The following HIVEP2 variants were observed in gnomAD, a reference collection of about 807,000 sequenced individuals.
The protein encoded by HIVEP2 is HIVEP zinc finger 2, also known as transcription factor HIVEP2.
A neutral mutation model predicts 180.7 loss-of-function variants in HIVEP2; 14 were observed. The ratio of observed to expected loss-of-function variants is 0.08; its 90% CI spans 0.05 to 0.12. HIVEP2 has a LOEUF of 0.12. HIVEP2 is among the 10% of genes least tolerant of loss of function. The pLI is 1.00. For missense variants in HIVEP2, 2,579 were observed against 3,008.5 expected (o/e 0.86, Z 3.34); for synonymous variants, 1,184 against 1,136.4 (o/e 1.04, Z -0.84).
Position 142,774,601 on chromosome 6 carries a change from C to T in HIVEP2, c.138G>A (p.Arg46=). 1 of 1,614,210 alleles carries T rather than the reference C, an allele frequency of 6.2e-7. No homozygotes were observed. Among genetic ancestry groups the T allele is most frequent in the Middle Eastern group, 1.6e-4 (1 of 6,062 alleles). Residue 46 remains arginine, a synonymous_variant, in exon 5 of 10, where the codon CGG becomes CGA. Coordinates refer to ENST00000367603, the MANE Select transcript of HIVEP2 (RefSeq NM_006734.4). The surrounding 1 kb of genome is among the most constrained non-coding windows in gnomAD (Gnocchi z 5.1). ...TTTGCTCAGGCTCTATTTGTGGTTG[C>T]CGCTGTCCTTCATGACTGCCAAAAG... ...MSTFGSHEGQ[R]QPQIEPEQIG...
At chr6:142,867,307 G>A in intron 1 of HIVEP2, among the ~76,000 whole-genome samples, 1 of 152,062 alleles carries the variant, frequency 6.6e-6, no homozygotes, top group South Asian at 2.1e-4. Flanking sequence ...CACATCAGTG[G>A]TCTTTCTTAT....
At chr6:142,832,654 T>G (rs1775120476) in intron 2 of HIVEP2, among the ~76,000 whole-genome samples, 1 of 152,108 alleles carries the variant, frequency 6.6e-6, no homozygotes, top group South Asian at 2.1e-4. Flanking sequence ...AAAATAAAGA[T>G]CTCTATGTGG....
chr6:142,920,097 T>C (rs1777648761), intron 1 of HIVEP2, among the ~76,000 whole-genome samples: 1 of 152,230 alleles, frequency 6.6e-6, no homozygotes, highest in Admixed American at 6.5e-5. Context: ...GACACAATAG[T>C]TGGATCTTTC....
Position 142,753,540 on chromosome 6 carries a change from C to A in HIVEP2, c.6908G>T (p.Arg2303Leu). The A allele has an allele frequency of 6.2e-7, 1 of 1,614,138 alleles. No individual in the cohort carries two copies. The highest frequency in any genetic ancestry group is 1.1e-5 in the South Asian group (1 of 91,082). ...CGAAGTGCTCTGTTTCATCAACAGC[C>A]GAGGAGAGGAGGGAGTGCTAGGTGG... ...SGPPSTPSSP[R>L]LLMKQSTSED... The change falls in exon 10 of 10, where the codon CGG becomes CTG. Residue 2303 changes from arginine (R) to leucine (L), a missense_variant. Coordinates refer to ENST00000367603, the MANE Select transcript of HIVEP2 (RefSeq NM_006734.4).
chr6:142,900,387 T>A (rs1012046308), intron 1 of HIVEP2, among the ~76,000 whole-genome samples: 1 of 152,114 alleles, frequency 6.6e-6, no homozygotes, highest in Non-Finnish European at 1.5e-5. Flanking sequence ...CACCAATCAC[T>A]CCACGCCACC....
At chr6:142,878,986 C>G (rs1412476128) in intron 1 of HIVEP2, among the ~76,000 whole-genome samples, 1 of 152,142 alleles carries the variant, frequency 6.6e-6, no homozygotes, top group Non-Finnish European at 1.5e-5. Flanking sequence ...TCTAACATGT[C>G]TGATCCTCTA....
chr6:142,771,911 C>T lies in HIVEP2; in HGVS notation c.2828G>A (p.Arg943Gln). ...EKLPPKKKRL[R>Q]LADMEHSSGE... ...TGAGGAGTGCTCCATATCTGCAAGT[C>T]GCAGACGCTTCTTTTTGGGTGGCAA... The change falls in exon 5 of 10, where the codon CGA becomes CAA. Residue 943 changes from arginine (R) to glutamine (Q), a missense_variant. Transcript: ENST00000367603. This position sits in a 1 kb window ranked among gnomAD's most constrained non-coding sequence, Gnocchi z 5.4. 6.2e-7 allele frequency: 1 copy of T among 1,614,174 alleles called. No individual in the cohort carries two copies. The highest frequency in any genetic ancestry group is 1.1e-5 in the South Asian group (1 of 91,082).
chr6:142,890,229 A>T, intron 1 of HIVEP2, among the ~76,000 whole-genome samples: 1 of 152,202 alleles, frequency 6.6e-6, no homozygotes, highest in Non-Finnish European at 1.5e-5. Flanking sequence ...AAAACAATCC[A>T]TTCTATTTAA....
At position 142,753,019 on chromosome 6, in the gene HIVEP2, T is replaced by A. The variant is rs1774958220; in HGVS notation, c.*88A>T. 10 of 768,328 alleles carry A rather than the reference T, an allele frequency of 1.3e-5. No homozygotes were observed. The highest frequency in any genetic ancestry group is 2.1e-5 in the Non-Finnish European group (9 of 436,330). 47.6% of individuals were successfully genotyped at this position (768,328 alleles called of 1,614,324 possible). A position where few individuals can be genotyped will look rare whatever the true frequency, so the allele number is the denominator to read the frequency against. Reference sequence around the variant, plus strand: ...AAACTACTGTAACTTAGGACAGGCATGCTATAAACTGGATTACCTCCATTT... The same window carrying A: ...AAACTACTGTAACTTAGGACAGGCAAGCTATAAACTGGATTACCTCCATTT... On this transcript the variant is annotated 3_prime_UTR_variant, in exon 10 of 10. Transcript: ENST00000367603.
chr6:142,903,618 C>T (rs1777187157), intron 1 of HIVEP2, among the ~76,000 whole-genome samples: 1 of 151,992 alleles, frequency 6.6e-6, no homozygotes, highest in East Asian at 1.9e-4. Flanking sequence ...TGCATATATA[C>T]CAGTACAAAA....
Position 142,846,048 on chromosome 6 carries a change from C to T in HIVEP2, c.-640-9001G>A, listed in dbSNP as rs146485361. ...CATCCAGTGTGAGCGAAGTCCAGGC[C>T]ACGGCAACAACAGCCTGGCCTGAGG... On this transcript the variant is annotated intron_variant, in intron 1 of 9. Coordinates refer to ENST00000367603, the MANE Select transcript of HIVEP2 (RefSeq NM_006734.4). 3.2e-3 allele frequency among the ~76,000 whole-genome samples: 480 copies of T among 152,284 alleles called. 1 individual carries two copies. Among genetic ancestry groups the T allele is most frequent in the Non-Finnish European group, 5.3e-3 (361 of 68,018 alleles).
At chr6:142,851,894 T>G (rs974112952) in intron 1 of HIVEP2, among the ~76,000 whole-genome samples, 1 of 152,260 alleles carries the variant, frequency 6.6e-6, no homozygotes, top group African/African-American at 2.4e-5. Flanking sequence ...TGGGGTTCAC[T>G]CATGTCTTTA....
At chr6:142,800,323 T>C (rs965221449) in intron 2 of HIVEP2, among the ~76,000 whole-genome samples, 1 of 152,174 alleles carries the variant, frequency 6.6e-6, no homozygotes, top group African/African-American at 2.4e-5. Context: ...CCTCTGCCTC[T>C]AGTATGCAAA....
intron 1 of HIVEP2, among the ~76,000 whole-genome samples, chr6:142,875,919 AT>A (rs34601070): frequency 0.83 from 126,017 of 152,130 alleles, 52,699 homozygotes; most frequent in African/African-American, 0.88. Context: ...TTTGAAAATT[AT>A]TTAGCATATT....
intron 1 of HIVEP2, among the ~76,000 whole-genome samples, chr6:142,857,441 T>C (rs1162453628): frequency 6.6e-6 from 1 of 152,210 alleles, no homozygotes; most frequent in Non-Finnish European, 1.5e-5. Context: ...CCAAGCACCA[T>C]CCGGCCATAA....
intron 1 of HIVEP2, among the ~76,000 whole-genome samples, chr6:142,915,092 T>C (rs1354278525): frequency 6.6e-6 from 1 of 152,138 alleles, no homozygotes; most frequent in Admixed American, 6.5e-5. Context: ...AAATATTGTG[T>C]AAGAATGGGA....
rs1352454370 is a variant in HIVEP2, at chr6:142,770,795, T to C, written c.3944A>G (p.Gln1315Arg). The C allele has an allele frequency of 5.0e-6, 8 of 1,614,212 alleles. No homozygotes were observed. Among genetic ancestry groups the C allele is most frequent in the Non-Finnish European group, 5.9e-6 (7 of 1,180,036 alleles). The change falls in exon 5 of 10, where the codon CAA becomes CGA. Residue 1315 changes from glutamine to arginine, a missense_variant. Physicochemically the swap from Gln to Arg is conservative, Grantham distance 43 (BLOSUM62 1). Transcript: ENST00000367603. The surrounding 1 kb of genome is among the most constrained non-coding windows in gnomAD (Gnocchi z 4.7). ...STETPSEQVL[Q>R]EDFASANAGS... ...AGCATTTGCCGAGGCAAAATCTTCT[T>C]GAAGAACCTGCTCAGAGGGCGTTTC...
At chr6:142,781,902 C>T (rs1014544357) in intron 3 of HIVEP2, among the ~76,000 whole-genome samples, 12 of 152,182 alleles carry the variant, frequency 7.9e-5, no homozygotes, top group African/African-American at 1.2e-4. Flanking sequence ...TAAAGACCTA[C>T]AGTACCCAGG....
intron 1 of HIVEP2, among the ~76,000 whole-genome samples, chr6:142,876,188 C>A (rs76340815): frequency 0.011 from 1,715 of 152,206 alleles, 34 homozygotes; most frequent in African/African-American, 0.039. Context: ...TGATCACTGG[C>A]TTTGGTAAGA....
Sources: gnomAD v4.1 joint callset for allele counts (sites outside exome capture counted in the v4.1 genomes callset) on GRCh38, gnomAD v4.1.1 for gene constraint, Gnocchi (gnomAD v3.1) non-coding constraint, MANE v1.5 for transcripts, NCBI Gene and HGNC (gene_info 2026-07-23, HGNC 2026-07-21) for gene names.